PHACTR3: variants seen among roughly 807,000 people sequenced by gnomAD.
PHACTR3 encodes the protein protein phosphatase 1, regulatory subunit 123.
Under a neutral mutation model 66.8 loss-of-function variants are expected in PHACTR3, and 16 were observed. The observed-to-expected ratio is 0.24, with a 90% CI of 0.16 to 0.36. PHACTR3 has a LOEUF of 0.36. Ranked by LOEUF, PHACTR3 falls within the 10% of genes least tolerant of loss-of-function variation. The pLI, the probability that PHACTR3 is intolerant of heterozygous loss-of-function variation, is 1.00. For synonymous variants in PHACTR3, 323 were observed against 292.1 expected (o/e 1.11, Z -1.08); for missense variants, 647 against 719.9 (o/e 0.90, Z 1.16).
intron 1 of PHACTR3, among the ~76,000 whole-genome samples, chr20:59,609,658 G>A (rs1210459424): frequency 6.6e-6 from 1 of 152,190 alleles, no homozygotes; most frequent in Non-Finnish European, 1.5e-5. Flanking sequence ...CCCCCTTCCT[G>A]GGCGTGGGAG....
chr20:59,628,863 T>C, intron 1 of PHACTR3: 2 of 965,646 alleles, frequency 2.1e-6, no homozygotes, highest in Non-Finnish European at 2.5e-6. Context: ...GTTCACACTT[T>C]CTAAACTTTT....
intron 1 of PHACTR3, among the ~76,000 whole-genome samples, chr20:59,716,206 T>TTGTGTG (rs201782505): frequency 4.9e-4 from 63 of 128,670 alleles, no homozygotes; most frequent in South Asian, 3.7e-3. Flanking sequence ...CCTTCACCCT[T>TTGTGTG]TGTGTGTGTG....
intron 1 of PHACTR3, chr20:59,626,608 AG>A (rs1178177898): frequency 2.0e-5 from 3 of 152,358 alleles, no homozygotes; most frequent in Non-Finnish European, 2.9e-5. Context: ...GAAAGGGGCA[AG>A]TTTTTGATGC....
intron 8 of PHACTR3, among the ~76,000 whole-genome samples, chr20:59,827,542 G>A (rs1034444219): frequency 5.9e-5 from 9 of 152,116 alleles, no homozygotes; most frequent in Non-Finnish European, 7.4e-5. Context: ...CCTCACATAC[G>A]GCTCTCTCCT....
intron 1 of PHACTR3, among the ~76,000 whole-genome samples, chr20:59,681,732 C>T (rs1001573883): frequency 1.3e-5 from 2 of 152,206 alleles, no homozygotes; most frequent in Non-Finnish European, 2.9e-5. Context: ...GCCTCTGGGC[C>T]AGGCATGGCG....
chr20:59,842,493 G>GTGTT, intron 11 of PHACTR3, among the ~76,000 whole-genome samples: 1 of 152,298 alleles, frequency 6.6e-6, no homozygotes, highest in South Asian at 2.1e-4. Context: ...GTCTGCAGAT[G>GTGTT]TGTTTGAGTA....
At chr20:59,627,659 C>T (rs985476039) in intron 1 of PHACTR3, among the ~76,000 whole-genome samples, 1 of 152,164 alleles carries the variant, frequency 6.6e-6, no homozygotes, top group Non-Finnish European at 1.5e-5. Context: ...CTGGACAACA[C>T]TGATTAGGTC....
chr20:59,796,786 T>C (rs189167296), intron 7 of PHACTR3, among the ~76,000 whole-genome samples: 113 of 152,316 alleles, frequency 7.4e-4, no homozygotes, highest in African/African-American at 2.5e-3. Flanking sequence ...AATCTTTTCT[T>C]GTTTTCACCT....
chr20:59,612,106 A>G (rs1158988327), intron 1 of PHACTR3, among the ~76,000 whole-genome samples: 6 of 152,178 alleles, frequency 3.9e-5, no homozygotes, highest in Non-Finnish European at 8.8e-5. Flanking sequence ...GGAGGATATG[A>G]AATGTCACAG....
At chr20:59,735,998 A>T (rs1276816428) in intron 1 of PHACTR3, among the ~76,000 whole-genome samples, 1 of 151,938 alleles carries the variant, frequency 6.6e-6, no homozygotes, top group Non-Finnish European at 1.5e-5. Context: ...AAAGGGATGG[A>T]GTTAGTTACC....
intron 1 of PHACTR3, among the ~76,000 whole-genome samples, chr20:59,684,920 GTGGCTCAGCACGTCCCTTGGCTTCCCA>G (rs1332078660): frequency 7.2e-5 from 11 of 152,270 alleles, no homozygotes; most frequent in Admixed American, 4.6e-4. Context: ...AGCATGTCCT[GTGGCTCAGCACGTCCCTTGGCTTCCCA>G]TGGCTCAGCA....
intron 1 of PHACTR3, among the ~76,000 whole-genome samples, chr20:59,616,928 A>G (rs1470274572): frequency 6.6e-6 from 1 of 151,686 alleles, no homozygotes; most frequent in South Asian, 2.1e-4. Flanking sequence ...CGTTGCCTGC[A>G]CTCTCATTCA....
chr20:59,578,112 C>T (rs1020627095), intron 1 of PHACTR3, among the ~76,000 whole-genome samples: 2 of 152,236 alleles, frequency 1.3e-5, no homozygotes. Flanking sequence ...GGGACTGGCC[C>T]CTCGCCCCCT....
At chr20:59,730,562 A>T (rs1355725471) in intron 1 of PHACTR3, among the ~76,000 whole-genome samples, 3 of 152,198 alleles carry the variant, frequency 2.0e-5, no homozygotes, top group Admixed American at 1.3e-4. Flanking sequence ...GCAGAACTGT[A>T]CAGGTGAAAG....
chr20:59,712,919 CT>C (rs1470775452), intron 1 of PHACTR3, among the ~76,000 whole-genome samples: 1 of 152,160 alleles, frequency 6.6e-6, no homozygotes, highest in Non-Finnish European at 1.5e-5. Context: ...AAATGATTTA[CT>C]TTTGATTTCA....
intron 8 of PHACTR3, among the ~76,000 whole-genome samples, chr20:59,816,170 A>T (rs147765796): frequency 6.6e-6 from 1 of 151,950 alleles, no homozygotes; most frequent in Non-Finnish European, 1.5e-5. Context: ...CAGGCATTAG[A>T]TTCTCATAAG....
At chr20:59,628,735 G>A in intron 1 of PHACTR3, 1 of 985,568 alleles carries the variant, frequency 1.0e-6, no homozygotes, top group Non-Finnish European at 1.2e-6. Flanking sequence ...AGGTGGGCCA[G>A]AGAAGGATGG....
intron 1 of PHACTR3, among the ~76,000 whole-genome samples, chr20:59,586,317 AC>A (rs976469070): frequency 2.0e-5 from 3 of 152,222 alleles, no homozygotes; most frequent in African/African-American, 7.2e-5. Flanking sequence ...CTCTCCACTT[AC>A]GAGTGTCCGA....
intron 1 of PHACTR3, among the ~76,000 whole-genome samples, chr20:59,706,567 C>T (rs909081466): frequency 6.6e-6 from 1 of 152,218 alleles, no homozygotes; most frequent in Non-Finnish European, 1.5e-5. Flanking sequence ...GTGCTGCTCC[C>T]GGTTCCTGCC....
Sources: allele counts gnomAD v4.1 joint callset (sites outside exome capture counted in the v4.1 genomes callset), GRCh38; gene constraint gnomAD v4.1.1; transcripts MANE v1.5; gene names NCBI Gene and HGNC (gene_info 2026-07-23, HGNC 2026-07-21).